EMC1: variants seen among roughly 807,000 people sequenced by gnomAD.
The protein encoded by EMC1 is KIAA0090.
EMC1 carries 103 observed loss-of-function variants against 128.8 expected under a neutral mutation model. The ratio of observed to expected loss-of-function variants is 0.80; its 90% CI spans 0.68 to 0.94. The LOEUF (loss-of-function observed/expected upper bound fraction) is 0.94, where lower values mean the gene tolerates loss of function less well. Ranked by LOEUF, EMC1 falls within the 40% of genes least tolerant of loss-of-function variation. EMC1 has a pLI of 0.00. For missense variants in EMC1, 1,083 were observed against 1,250.6 expected, an observed-to-expected ratio of 0.87 and a Z score of 2.02; for synonymous variants, 442 against 490.4, an observed-to-expected ratio of 0.90 and a Z score of 1.30.
At chr1:19,241,640 C>T (rs2151960281) in intron 5 of EMC1, among the ~76,000 whole-genome samples, 1 of 152,250 alleles carries the variant, frequency 6.6e-6, no homozygotes, top group Middle Eastern at 3.4e-3. Flanking sequence ...CTCAGCCTCC[C>T]AAGTAGCTGG....
chr1:19,241,075 G>GT lies in EMC1; in HGVS notation c.576_577insA (p.Pro193ThrfsTer11). Reference sequence around the variant, plus strand: ...TTGACAATGTTCACATGGCTGAAGGGAACAACTCCGAGGGCCCACACCACC... The same window carrying GT: ...TTGACAATGTTCACATGGCTGAAGGGTAACAACTCCGAGGGCCCACACCACC... On this transcript the variant is annotated frameshift_variant, in exon 6 of 23. Coordinates refer to ENST00000477853, the MANE Select transcript of EMC1 (RefSeq NM_015047.3). LOFTEE classifies it high-confidence loss of function. The GT allele has an allele frequency of 6.2e-7, 1 of 1,614,058 alleles. No homozygotes were observed. Among genetic ancestry groups the GT allele is most frequent in the Non-Finnish European group, 8.5e-7 (1 of 1,180,000 alleles).
At chr1:19,231,661 C>T (rs2093523384) in intron 15 of EMC1, among the ~76,000 whole-genome samples, 2 of 152,118 alleles carry the variant, frequency 1.3e-5, no homozygotes, top group Admixed American at 6.6e-5. Context: ...TCTCTATCAC[C>T]CAAGCTGGAA....
chr1:19,226,800 C>T lies in EMC1; in HGVS notation c.2202+513G>A, dbSNP rs186642733. Reference sequence around the variant, plus strand: ...TGTTGCCCAAGCTGGCCTCAAACTCCTGGACTCAAGTAATCCACCCACCTC... The same window carrying T: ...TGTTGCCCAAGCTGGCCTCAAACTCTTGGACTCAAGTAATCCACCCACCTC... On this transcript the variant is annotated intron_variant, in intron 18 of 22. Coordinates refer to ENST00000477853, the MANE Select transcript of EMC1 (RefSeq NM_015047.3). Among the ~76,000 whole-genome samples, 142 of 152,100 alleles carry T rather than the reference C, an allele frequency of 9.3e-4. 1 individual carries two copies. Among genetic ancestry groups the T allele is most frequent in the Middle Eastern group, 3.4e-3 (1 of 294 alleles).
chr1:19,230,222 A>C (rs1054731725), intron 17 of EMC1, among the ~76,000 whole-genome samples: 2 of 151,906 alleles, frequency 1.3e-5, no homozygotes, highest in Non-Finnish European at 2.9e-5. Context: ...CTCAACCCAC[A>C]TTCCTACCTT....
Position 19,238,021 on chromosome 1 carries a change from T to G in EMC1, c.1208A>C (p.Glu403Ala), listed in dbSNP as rs781636952. 1 of 1,613,630 alleles carries G rather than the reference T, an allele frequency of 6.2e-7. No individual in the cohort carries two copies. The highest frequency in any genetic ancestry group is 1.1e-5 in the South Asian group (1 of 90,912). ...CAAAGAAAGGCTCTGCCTTACCCGCTCAGGCCGAGTGCCGCTCTGTTCCAG... is the reference window on the plus strand; with the variant it reads ...CAAAGAAAGGCTCTGCCTTACCCGCGCAGGCCGAGTGCCGCTCTGTTCCAG... ...FSLEQSGTRP[E>A]RLYIQVFLKK... The change falls in exon 11 of 23, where the codon GAG becomes GCG. Residue 403 changes from glutamate to alanine, a missense_variant. By Grantham distance (107) the Glu-to-Ala change is moderately radical. This residue lies in a region of EMC1 where 544 missense variants were observed against 572.4 expected (regional missense o/e 0.95). Transcript: ENST00000477853.
chr1:19,239,048 C>T (rs1181182253), intron 9 of EMC1, among the ~76,000 whole-genome samples, 183 bp downstream of exon 9: 1 of 152,152 alleles, frequency 6.6e-6, no homozygotes, highest in Admixed American at 6.5e-5. Flanking sequence ...GGGTCTCGTT[C>T]CTGGGGAGAA....
At chr1:19,249,317 C>T (rs1172311517) in intron 1 of EMC1, among the ~76,000 whole-genome samples, 1 of 152,190 alleles carries the variant, frequency 6.6e-6, no homozygotes, top group Non-Finnish European at 1.5e-5. Context: ...AAGATACATT[C>T]ATGTTAAGTG....
At position 19,219,437 on chromosome 1, in the gene EMC1, A is replaced by T; in HGVS notation, c.2848T>A (p.Ser950Thr). The T allele has an allele frequency of 6.2e-7, 1 of 1,613,986 alleles. No individual in the cohort carries two copies. The highest frequency in any genetic ancestry group is 1.1e-5 in the South Asian group (1 of 91,088). The change falls in exon 23 of 23, where the codon TCC becomes ACC. Residue 950 changes from serine (S) to threonine (T), a missense_variant. Around this residue, in one of 3 missense-constraint regions of EMC1, gnomAD observed 527 missense variants for 644.1 expected, o/e 0.82. Coordinates refer to ENST00000477853, the MANE Select transcript of EMC1 (RefSeq NM_015047.3). Reference protein sequence around the residue: ...LDIYQTRVYPSKQFDVLKDDY... With the variant: ...LDIYQTRVYPTKQFDVLKDDY... The stretch of plus-strand genomic sequence containing the variant: ...TCCTTCAGAACGTCAAACTGCTTGG[A>T]TGGGTAGACTCGAGTTTGGTAAATG...
intron 14 of EMC1, 30 bp downstream of exon 14, chr1:19,232,906 T>A: frequency 6.2e-7 from 1 of 1,611,816 alleles, no homozygotes; most frequent in Non-Finnish European, 8.5e-7. Flanking sequence ...TTTGAAAAGG[T>A]TCAGTAACTG....
chr1:19,248,168 C>T (rs1473209371), intron 1 of EMC1, among the ~76,000 whole-genome samples: 2 of 152,056 alleles, frequency 1.3e-5, no homozygotes, highest in Non-Finnish European at 2.9e-5. Context: ...CTATTTAGGC[C>T]CAGGCTAATG....
chr1:19,241,149 G>C lies in EMC1; in HGVS notation c.510-7C>G. 6.2e-7 allele frequency: 1 copy of C among 1,613,860 alleles called. No homozygotes were observed. Among genetic ancestry groups the C allele is most frequent in the Non-Finnish European group, 8.5e-7 (1 of 1,179,932 alleles). Reference sequence around the variant, plus strand: ...CTGGTAGTGGATGCTGTCACTAAGAGAGGGAAGAAGAAACCGCAGCGTCAG... The same window carrying C: ...CTGGTAGTGGATGCTGTCACTAAGACAGGGAAGAAGAAACCGCAGCGTCAG... On this transcript the variant is annotated splice_region_variant and splice_polypyrimidine_tract_variant and intron_variant, in intron 5 of 22. Transcript: ENST00000477853.
intron 20 of EMC1, among the ~76,000 whole-genome samples, chr1:19,222,209 C>G (rs565845482): frequency 1.4e-3 from 207 of 152,128 alleles, no homozygotes; most frequent in African/African-American, 4.8e-3. Context: ...CCTGTAATCC[C>G]AACACTTCAG....
rs1169733558 is a variant in EMC1 at position 19,237,064 on chromosome 1, C to T, written c.1309+78G>A. 6.7e-6 allele frequency: 7 copies of T among 1,041,602 alleles called. No individual in the cohort carries two copies. The East Asian group carries it at 1.4e-4, about 21-fold the overall frequency. The allele number at this position is 1,041,602 out of a possible 1,614,324, so 64.5% of individuals were successfully genotyped here. A position where few individuals can be genotyped will look rare whatever the true frequency, so the allele number is the denominator to read the frequency against. ...TGAATCTCTTCCAGAAACCTGCAGCCTCCCAAAAAACAGTCTGATTGGAAC... is the reference window on the plus strand; with the variant it reads ...TGAATCTCTTCCAGAAACCTGCAGCTTCCCAAAAAACAGTCTGATTGGAAC... On this transcript the variant is annotated intron_variant, in intron 12 of 22. Transcript: ENST00000477853.
At position 19,224,500 on chromosome 1, in the gene EMC1, C is replaced by T. The variant is rs138328278; in HGVS notation, c.2203-931G>A. 1.1e-3 allele frequency among the ~76,000 whole-genome samples: 164 copies of T among 152,312 alleles called. 1 individual carries two copies. Among genetic ancestry groups the T allele is most frequent in the African/African-American group, 3.6e-3 (148 of 41,568 alleles). On this transcript the variant is annotated intron_variant, in intron 18 of 22. Transcript: ENST00000477853. ...ACCTAAAGCCTCGAGTTATCCTTGA[C>T]TCCTTTCTCTGTAACACACATATAC...
At position 19,219,584 on chromosome 1, in the gene EMC1, C is replaced by A; in HGVS notation, c.2787G>T (p.Leu929=). 6.2e-7 allele frequency: 1 copy of A among 1,614,148 alleles called. No individual in the cohort carries two copies. The highest frequency in any genetic ancestry group is 1.1e-5 in the South Asian group (1 of 91,076). The change falls in exon 22 of 23, where the codon CTG becomes CTT. Residue 929 remains leucine, a synonymous_variant. Transcript: ENST00000477853. ...CTCTACTCACCAAACAAGTGGACTCCAGACCCGAGGGAGCTGTGTAGATAC... is the reference window on the plus strand; with the variant it reads ...CTCTACTCACCAAACAAGTGGACTCAAGACCCGAGGGAGCTGTGTAGATAC... ...MRGIYTAPSG[L]ESTCLVVAYG...
intron 2 of EMC1, chr1:19,244,470 G>T: frequency 3.9e-6 from 1 of 257,948 alleles, no homozygotes; most frequent in African/African-American, 2.3e-5. Flanking sequence ...GGAGTGAACT[G>T]GCATGATCAC....
intron 2 of EMC1, 79 bp downstream of exon 2, chr1:19,244,827 G>C (rs187665664): frequency 1.3e-4 from 201 of 1,547,610 alleles, no homozygotes; most frequent in Non-Finnish European, 4.5e-5. Flanking sequence ...CCTTATTCAG[G>C]AATCAGCCAG....
chr1:19,234,886 C>T (rs1261780551), intron 13 of EMC1, among the ~76,000 whole-genome samples: 1 of 152,110 alleles, frequency 6.6e-6, no homozygotes, highest in Non-Finnish European at 1.5e-5. Flanking sequence ...CCTCAGCTTT[C>T]CCTAGAGGGA....
intron 1 of EMC1, among the ~76,000 whole-genome samples, chr1:19,250,361 C>A (rs1489709120): frequency 6.6e-6 from 1 of 151,230 alleles, no homozygotes; most frequent in African/African-American, 2.4e-5. Flanking sequence ...TTCATTCATT[C>A]ATGAAAATAA....
Sources: allele counts gnomAD v4.1 joint callset (sites outside exome capture counted in the v4.1 genomes callset), GRCh38; gene constraint gnomAD v4.1.1; regional missense constraint gnomAD v4.1.1; transcripts MANE v1.5; gene names NCBI Gene and HGNC (gene_info 2026-07-23, HGNC 2026-07-21).